The following ALK variants were observed in gnomAD, a reference collection of about 807,000 sequenced individuals.
ALK encodes ALK receptor tyrosine kinase.
In ALK, 74 loss-of-function variants were observed where a neutral mutation model predicts 163.1. That is an observed-to-expected ratio of 0.45 (90% CI 0.38 to 0.55). The LOEUF (loss-of-function observed/expected upper bound fraction) is 0.55, where lower values mean the gene tolerates loss of function less well. ALK is among the 20% of genes least tolerant of loss of function. The pLI, the probability that ALK is intolerant of heterozygous loss-of-function variation, is 0.00. For missense variants in ALK, 2,063 were observed against 2,105.3 expected, an observed-to-expected ratio of 0.98 and a Z score of 0.39; for synonymous variants, 960 against 843.2, an observed-to-expected ratio of 1.14 and a Z score of -2.40.
At chr2:29,530,758 G>A (rs1227417840) in intron 4 of ALK, among the ~76,000 whole-genome samples, 1 of 152,234 alleles carries the variant, frequency 6.6e-6, no homozygotes, top group African/African-American at 2.4e-5. Context: ...ATGCCACACT[G>A]ATATCTGGTG....
chr2:29,836,959 A>G (rs1237134218), intron 1 of ALK, among the ~76,000 whole-genome samples: 3 of 152,206 alleles, frequency 2.0e-5, no homozygotes, highest in Non-Finnish European at 4.4e-5. Context: ...GAAACTAAAA[A>G]ATATTCATAT....
Position 29,448,526 on chromosome 2 carries a change from A to G in ALK, c.1155-64667T>C, listed in dbSNP as rs533117576. Among the ~76,000 whole-genome samples, 178 of 152,302 alleles carry G rather than the reference A, an allele frequency of 1.2e-3. 1 individual carries two copies. Among genetic ancestry groups the G allele is most frequent in the African/African-American group, 3.8e-3 (158 of 41,562 alleles). ...CAGCTGCATTTGCACAGGTTGGGAA[A>G]TAACAGTGTCATCCTGGAACAGCAG... On this transcript the variant is annotated intron_variant, in intron 4 of 28. Coordinates refer to ENST00000389048, the MANE Select transcript of ALK (RefSeq NM_004304.5).
At chr2:29,209,456 C>T (rs765548541) in intron 25 of ALK, among the ~76,000 whole-genome samples, 13 of 150,600 alleles carry the variant, frequency 8.6e-5, no homozygotes, top group Non-Finnish European at 1.6e-4. Flanking sequence ...GCAGGAAAAT[C>T]GCTTGAACCC....
intron 4 of ALK, among the ~76,000 whole-genome samples, chr2:29,468,559 T>C (rs1457794956): frequency 6.6e-6 from 1 of 152,004 alleles, no homozygotes; most frequent in African/African-American, 2.4e-5. Flanking sequence ...TGGTTCAGAA[T>C]GAATAGCCAG....
chr2:29,871,919 C>T (rs1666587355), intron 1 of ALK, among the ~76,000 whole-genome samples: 1 of 152,318 alleles, frequency 6.6e-6, no homozygotes, highest in East Asian at 1.9e-4. Context: ...AGACACCACT[C>T]ATATCTGATA....
At chr2:29,478,039 A>G (rs994751648) in intron 4 of ALK, among the ~76,000 whole-genome samples, 1 of 152,198 alleles carries the variant, frequency 6.6e-6, no homozygotes. Context: ...GTCCTTCTTG[A>G]TGTATGCTCC....
At chr2:29,607,134 C>G (rs528088336) in intron 3 of ALK, among the ~76,000 whole-genome samples, 4 of 152,100 alleles carry the variant, frequency 2.6e-5, no homozygotes, top group Non-Finnish European at 5.9e-5. Context: ...TGTAGACAGG[C>G]CTTACTTAGA....
chr2:29,718,613 C>A (rs576781869), intron 1 of ALK, among the ~76,000 whole-genome samples: 1 of 152,192 alleles, frequency 6.6e-6, no homozygotes, highest in Non-Finnish European at 1.5e-5. Flanking sequence ...CCGGAACAGA[C>A]GCCATGCTGG....
chr2:29,873,193 G>C (rs1265384003), intron 1 of ALK, among the ~76,000 whole-genome samples: 1 of 152,156 alleles, frequency 6.6e-6, no homozygotes, highest in Non-Finnish European at 1.5e-5. Flanking sequence ...ATCTCAAACA[G>C]GCAAGAGATC....
chr2:29,800,395 C>T (rs531280743), intron 1 of ALK, among the ~76,000 whole-genome samples: 11 of 152,212 alleles, frequency 7.2e-5, no homozygotes, highest in African/African-American at 1.2e-4. Context: ...GAATGTGAAC[C>T]ATTACTTGGT....
intron 3 of ALK, among the ~76,000 whole-genome samples, chr2:29,642,126 A>G (rs1306412839): frequency 6.6e-6 from 1 of 152,182 alleles, no homozygotes; most frequent in Admixed American, 6.6e-5. Context: ...TGTCAGACAT[A>G]TAGACTCTCA....
chr2:29,590,859 CAGG>C (rs2148206390), intron 3 of ALK, among the ~76,000 whole-genome samples: 2 of 151,854 alleles, frequency 1.3e-5, no homozygotes, highest in African/African-American at 4.8e-5. Context: ...ATCACGAGGT[CAGG>C]AGATCGAGAC....
At chr2:29,785,300 C>A (rs916632450) in intron 1 of ALK, among the ~76,000 whole-genome samples, 1 of 152,158 alleles carries the variant, frequency 6.6e-6, no homozygotes, top group Non-Finnish European at 1.5e-5. Context: ...GCCATTTCAG[C>A]AGAACATACC....
chr2:29,608,737 G>A (rs1211133561), intron 3 of ALK, among the ~76,000 whole-genome samples: 1 of 152,116 alleles, frequency 6.6e-6, no homozygotes, highest in African/African-American at 2.4e-5. Flanking sequence ...TCCTTAAATA[G>A]CCACCATTCC....
At chr2:29,479,678 G>C (rs556330943) in intron 4 of ALK, among the ~76,000 whole-genome samples, 111 of 152,300 alleles carry the variant, frequency 7.3e-4, no homozygotes, top group African/African-American at 2.6e-3. Context: ...CAGGCAATTT[G>C]ATTGAAGACC....
chr2:29,768,713 C>CTATGTGTGTGTGTGTGTGTGTG (rs149394341), intron 1 of ALK, among the ~76,000 whole-genome samples: 3 of 142,862 alleles, frequency 2.1e-5, no homozygotes, highest in African/African-American at 7.7e-5. Flanking sequence ...TTATATATGT[C>CTATGTGTGTGTGTGTGTGTGTG]TGTGTGTGTG....
intron 5 of ALK, among the ~76,000 whole-genome samples, chr2:29,332,354 C>G (rs1667470279): frequency 9.9e-6 from 1 of 100,790 alleles, no homozygotes. Context: ...ACCTCCTGAA[C>G]AAATCTAGGC....
intron 4 of ALK, among the ~76,000 whole-genome samples, chr2:29,475,161 G>C (rs1671480354): frequency 6.6e-6 from 1 of 152,184 alleles, no homozygotes. Context: ...GGAGAAGAAA[G>C]GCCAAGCAAG....
intron 4 of ALK, among the ~76,000 whole-genome samples, chr2:29,511,822 T>C (rs12991853): frequency 0.3 from 46,120 of 152,110 alleles, 7,195 homozygotes; most frequent in East Asian, 0.36. Flanking sequence ...TTAGTCTTTC[T>C]AATTTTAGCT....
Sources: allele counts gnomAD v4.1 joint callset (sites outside exome capture counted in the v4.1 genomes callset), GRCh38; gene constraint gnomAD v4.1.1; transcripts MANE v1.5; gene names NCBI Gene and HGNC (gene_info 2026-07-23, HGNC 2026-07-21).